MYO1D: variants seen among roughly 807,000 people sequenced by gnomAD.
The protein encoded by MYO1D is myosin ID, also known as unconventional myosin-Id.
A neutral mutation model predicts 122.0 loss-of-function variants in MYO1D; 83 were observed. The ratio of observed to expected loss-of-function variants is 0.68; its 90% CI spans 0.57 to 0.82. MYO1D has a LOEUF of 0.82. Among genes scored for constraint, MYO1D ranks in the 40% least tolerant of loss-of-function variants. The pLI is 0.00. For missense variants in MYO1D, 1,157 were observed against 1,269.5 expected, an observed-to-expected ratio of 0.91 and a Z score of 1.35; for synonymous variants, 464 against 446.9, an observed-to-expected ratio of 1.04 and a Z score of -0.48.
At chr17:32,514,239 CAAAAAAAAAAAAA>C (rs61570449) in intron 21 of MYO1D, among the ~76,000 whole-genome samples, 4 of 60,284 alleles carry the variant, frequency 6.6e-5, no homozygotes, top group Non-Finnish European at 9.2e-5. Flanking sequence ...GACTTTGTCT[CAAAAAAAAAAAAA>C]AAAAAAAAAA....
At chr17:32,613,789 CAAAAAAAAAAAA>C (rs60701225) in intron 20 of MYO1D, among the ~76,000 whole-genome samples, 2 of 51,060 alleles carry the variant, frequency 3.9e-5, no homozygotes, top group South Asian at 1.2e-3. Flanking sequence ...GATTCCATCT[CAAAAAAAAAAAA>C]AAAAAAAAAA....
intron 21 of MYO1D, chr17:32,529,524 CGT>C (rs140939621): frequency 4.6e-5 from 7 of 152,272 alleles, no homozygotes; most frequent in Non-Finnish European, 4.4e-5. Flanking sequence ...ACTCTATAAT[CGT>C]GTGTGTGTGT....
At chr17:32,783,964 C>T (rs1214222627) in intron 1 of MYO1D, among the ~76,000 whole-genome samples, 3 of 152,188 alleles carry the variant, frequency 2.0e-5, no homozygotes, top group South Asian at 2.1e-4. Context: ...TGCCAGATAC[C>T]GGGTCAAACC....
At chr17:32,504,247 C>T (rs1909419593) in intron 21 of MYO1D, among the ~76,000 whole-genome samples, 1 of 152,210 alleles carries the variant, frequency 6.6e-6, no homozygotes, top group Non-Finnish European at 1.5e-5. Context: ...ACTCACCCTG[C>T]TTGTGTCCCC....
intron 16 of MYO1D, among the ~76,000 whole-genome samples, chr17:32,664,550 C>G (rs1020952761): frequency 1.3e-5 from 2 of 152,154 alleles, no homozygotes; most frequent in African/African-American, 2.4e-5. Flanking sequence ...GTAGAACCAG[C>G]CAGACGTTAC....
At chr17:32,808,437 G>T (rs964611969) in intron 1 of MYO1D, among the ~76,000 whole-genome samples, 1 of 150,758 alleles carries the variant, frequency 6.6e-6, no homozygotes, top group Non-Finnish European at 1.5e-5. Context: ...GAATTCAAAA[G>T]ATATAAAAGG....
chr17:32,810,277 G>C (rs189073992), intron 1 of MYO1D, among the ~76,000 whole-genome samples: 1 of 152,100 alleles, frequency 6.6e-6, no homozygotes. Flanking sequence ...AAACAGAAGC[G>C]CAGATACAAA....
intron 21 of MYO1D, among the ~76,000 whole-genome samples, chr17:32,576,850 CT>C (rs2087283154): frequency 6.6e-6 from 1 of 152,114 alleles, no homozygotes; most frequent in Non-Finnish European, 1.5e-5. Context: ...TTTTATTTAT[CT>C]TTTTTTCAAA....
intron 21 of MYO1D, among the ~76,000 whole-genome samples, chr17:32,545,723 C>T (rs1012997446): frequency 1.3e-5 from 2 of 151,424 alleles, no homozygotes; most frequent in Non-Finnish European, 2.9e-5. Flanking sequence ...ATTTTATATG[C>T]AATTCGCCAC....
chr17:32,551,998 T>C (rs969818774), intron 21 of MYO1D, among the ~76,000 whole-genome samples: 1 of 152,268 alleles, frequency 6.6e-6, no homozygotes, highest in African/African-American at 2.4e-5. Flanking sequence ...CCAAATGCCT[T>C]GAAGTTAAAA....
At chr17:32,856,767 G>A (rs151208926) in intron 1 of MYO1D, among the ~76,000 whole-genome samples, 6 of 152,234 alleles carry the variant, frequency 3.9e-5, no homozygotes, top group Non-Finnish European at 5.9e-5. Context: ...CTCTTTGAAG[G>A]TTCAATCCTT....
chr17:32,658,949 G>T, intron 17 of MYO1D, 166 bp downstream of exon 17: 1 of 672,910 alleles, frequency 1.5e-6, no homozygotes, highest in Non-Finnish European at 2.5e-6. Context: ...TGAGGGGTAA[G>T]CAGATGCTCT....
At chr17:32,743,533 A>T (rs1270412228) in intron 13 of MYO1D, among the ~76,000 whole-genome samples, 3 of 151,952 alleles carry the variant, frequency 2.0e-5, no homozygotes, top group Non-Finnish European at 4.4e-5. Context: ...CTACTTTCAA[A>T]ATATCACCCA....
chr17:32,562,147 C>A (rs561407998), intron 21 of MYO1D, among the ~76,000 whole-genome samples: 1 of 151,838 alleles, frequency 6.6e-6, no homozygotes, highest in East Asian at 1.9e-4. Flanking sequence ...CATGCCACCA[C>A]GCTGGGCTAA....
Position 32,542,380 on chromosome 17 carries a change from T to C in MYO1D, c.2865-47465A>G, listed in dbSNP as rs1382526069. Among the ~76,000 whole-genome samples, 4 of 152,326 alleles carry C rather than the reference T, an allele frequency of 2.6e-5. No homozygotes were observed. The South Asian group carries it at 6.2e-4, about 24-fold the overall frequency. ...TCTTAAATGCATATGTGTGCAGACC[T>C]GCCCTGCTTCTGCCTCCGTGGTGCG... On this transcript the variant is annotated intron_variant, in intron 21 of 21. Transcript: ENST00000318217.
chr17:32,598,269 G>A (rs888085351), intron 21 of MYO1D, among the ~76,000 whole-genome samples: 1 of 152,008 alleles, frequency 6.6e-6, no homozygotes, highest in Non-Finnish European at 1.5e-5. Flanking sequence ...AGCTACTCAG[G>A]AGCCTGAGGC....
intron 16 of MYO1D, among the ~76,000 whole-genome samples, chr17:32,679,180 T>C (rs1913327236): frequency 6.6e-6 from 1 of 151,724 alleles, no homozygotes; most frequent in Non-Finnish European, 1.5e-5. Flanking sequence ...GATGAGTAGG[T>C]TGCGAAAATT....
At position 32,686,754 on chromosome 17, in the gene MYO1D, A is replaced by G. The variant is rs911090938; in HGVS notation, c.2121+25234T>C. On this transcript the variant is annotated intron_variant, in intron 16 of 21. Coordinates refer to ENST00000318217, the MANE Select transcript of MYO1D (RefSeq NM_015194.3). The stretch of plus-strand genomic sequence containing the variant: ...GTGGTACACACCTGTAGTCCCAGCT[A>G]CTTGGGAGGCTGAGGCAGGAGGGAT... Among the ~76,000 whole-genome samples the G allele has an allele frequency of 5.3e-5, 8 of 152,192 alleles. 1 individual carries two copies. The highest frequency in any genetic ancestry group is 5.2e-4 in the Admixed American group (8 of 15,292).
intron 21 of MYO1D, among the ~76,000 whole-genome samples, chr17:32,535,792 A>T (rs192049609): frequency 5.9e-4 from 89 of 152,010 alleles, no homozygotes; most frequent in Admixed American, 9.8e-4. Context: ...TACTTATAGA[A>T]TATTTATACA....
Sources: allele counts gnomAD v4.1 joint callset (sites outside exome capture counted in the v4.1 genomes callset), GRCh38; gene constraint gnomAD v4.1.1; transcripts MANE v1.5; gene names NCBI Gene and HGNC (gene_info 2026-07-23, HGNC 2026-07-21).